ALK: variants seen among roughly 807,000 people sequenced by gnomAD.
ALK encodes the protein ALK tyrosine kinase receptor.
ALK carries 74 observed loss-of-function variants against 163.1 expected under a neutral mutation model. The ratio of observed to expected loss-of-function variants is 0.45; its 90% CI spans 0.38 to 0.55. ALK has a LOEUF of 0.55. Ranked by LOEUF, ALK falls within the 20% of genes least tolerant of loss-of-function variation. The pLI is 0.00. For missense variants in ALK, 2,063 were observed against 2,105.3 expected, an observed-to-expected ratio of 0.98 and a Z score of 0.39; for synonymous variants, 960 against 843.2, an observed-to-expected ratio of 1.14 and a Z score of -2.40.
At chr2:29,636,914 T>C (rs974837763) in intron 3 of ALK, among the ~76,000 whole-genome samples, 1 of 152,166 alleles carries the variant, frequency 6.6e-6, no homozygotes, top group Non-Finnish European at 1.5e-5. Context: ...TCTGTCAGAA[T>C]GGCTACAATA....
chr2:29,896,282 G>A (rs1572479648), intron 1 of ALK, among the ~76,000 whole-genome samples: 1 of 152,194 alleles, frequency 6.6e-6, no homozygotes, highest in East Asian at 1.9e-4. Flanking sequence ...GGGTACCTCC[G>A]ACCCCCAAGA....
chr2:29,434,183 G>C (rs1670343276), intron 4 of ALK, among the ~76,000 whole-genome samples: 1 of 152,108 alleles, frequency 6.6e-6, no homozygotes, highest in Non-Finnish European at 1.5e-5. Context: ...ATTTTTAACT[G>C]AATATTTTAA....
At chr2:29,918,185 G>A (rs1667886941) in intron 1 of ALK, among the ~76,000 whole-genome samples, 1 of 152,222 alleles carries the variant, frequency 6.6e-6, no homozygotes, top group South Asian at 2.1e-4. Flanking sequence ...GTTCGGGGCT[G>A]TAGAAATGAG....
intron 4 of ALK, among the ~76,000 whole-genome samples, chr2:29,390,030 A>G (rs899505709): frequency 6.6e-6 from 1 of 152,236 alleles, no homozygotes; most frequent in Non-Finnish European, 1.5e-5. Flanking sequence ...ATGACCAACA[A>G]GAGTTAAAAC....
At chr2:29,694,433 G>C (rs1234662382) in intron 3 of ALK, among the ~76,000 whole-genome samples, 1 of 152,182 alleles carries the variant, frequency 6.6e-6, no homozygotes, top group African/African-American at 2.4e-5. Flanking sequence ...TGTAAAATTG[G>C]AGTAGTTCTT....
At chr2:29,728,380 T>G (rs1476009662) in intron 1 of ALK, among the ~76,000 whole-genome samples, 1 of 152,246 alleles carries the variant, frequency 6.6e-6, no homozygotes, top group Non-Finnish European at 1.5e-5. Flanking sequence ...ATCTCCTATG[T>G]GCCGAGCTCT....
intron 8 of ALK, among the ~76,000 whole-genome samples, chr2:29,297,594 G>T (rs1666233273): frequency 6.6e-6 from 1 of 152,206 alleles, no homozygotes; most frequent in Non-Finnish European, 1.5e-5. Context: ...CTTGACACCT[G>T]TGGCCACTGG....
At position 29,193,842 on chromosome 2, in the gene ALK, G is replaced by A. The variant is rs2148138923; in HGVS notation, c.4245C>T (p.Pro1415=). ...GAGGAGGAACCCCCTCAGGGTCCTTGGGCCTCACAGGCACTTTCTCTTCCT... is the reference window on the plus strand; with the variant it reads ...GAGGAGGAACCCCCTCAGGGTCCTTAGGCCTCACAGGCACTTTCTCTTCCT... ...VEEEEKVPVR[P]KDPEGVPPLL... is the part of the protein sequence containing the mutation. The change falls in exon 29 of 29, where the codon CCC becomes CCT. Residue 1415 remains proline, a synonymous_variant. Coordinates refer to ENST00000389048, the MANE Select transcript of ALK (RefSeq NM_004304.5). 6.2e-7 allele frequency: 1 copy of A among 1,612,746 alleles called. No individual in the cohort carries two copies. The highest frequency in any genetic ancestry group is 1.1e-5 in the South Asian group (1 of 90,858).
At chr2:29,522,284 C>A (rs1573425441) in intron 4 of ALK, among the ~76,000 whole-genome samples, 1 of 152,174 alleles carries the variant, frequency 6.6e-6, no homozygotes, top group Admixed American at 6.5e-5. Flanking sequence ...AGTGCTAGGG[C>A]CTCCCTCACC....
intron 4 of ALK, among the ~76,000 whole-genome samples, chr2:29,466,167 C>T (rs1281401165): frequency 6.6e-6 from 1 of 152,146 alleles, no homozygotes; most frequent in Admixed American, 6.6e-5. Context: ...TTCATGGTTC[C>T]AGGGCTTCTG....
intron 3 of ALK, among the ~76,000 whole-genome samples, chr2:29,541,596 T>C (rs759846867): frequency 3.3e-5 from 5 of 152,174 alleles, no homozygotes; most frequent in Admixed American, 2.0e-4. Flanking sequence ...TGGCCAAACA[T>C]GTGAAACTTG....
At position 29,379,288 on chromosome 2, in the gene ALK, A is replaced by G. The variant is rs141094988; in HGVS notation, c.1282+4444T>C. The stretch of plus-strand genomic sequence containing the variant: ...TTCAGTGAAAAATCTCTTCCAAGCC[A>G]TTTCTACTTACAGCTACTTTCTTTT... On this transcript the variant is annotated intron_variant, in intron 5 of 28. Transcript: ENST00000389048. Among the ~76,000 whole-genome samples, 120 of 152,246 alleles carry G rather than the reference A, an allele frequency of 7.9e-4. 2 individuals are homozygous for G. The highest frequency in any genetic ancestry group is 2.6e-3 in the African/African-American group (109 of 41,552).
At chr2:29,346,588 G>T (rs144934390) in intron 5 of ALK, among the ~76,000 whole-genome samples, 1 of 152,234 alleles carries the variant, frequency 6.6e-6, no homozygotes, top group Non-Finnish European at 1.5e-5. Flanking sequence ...TTGCTACTTC[G>T]TTTCACAGTG....
At chr2:29,783,007 G>A (rs114981811) in intron 1 of ALK, among the ~76,000 whole-genome samples, 11 of 152,282 alleles carry the variant, frequency 7.2e-5, no homozygotes, top group Admixed American at 6.5e-5. Context: ...TCCTGCCTGC[G>A]ATGGTAGCAG....
intron 1 of ALK, among the ~76,000 whole-genome samples, chr2:29,745,700 C>G (rs1680191758): frequency 6.6e-6 from 1 of 152,236 alleles, no homozygotes; most frequent in Non-Finnish European, 1.5e-5. Context: ...AGCAGCATGT[C>G]CCATCACTGC....
chr2:29,813,084 T>A (rs571413389), intron 1 of ALK, among the ~76,000 whole-genome samples: 1 of 152,336 alleles, frequency 6.6e-6, no homozygotes, highest in East Asian at 1.9e-4. Context: ...GATTTCAGAC[T>A]GGAAGACATT....
At chr2:29,405,788 T>C (rs1269381463) in intron 4 of ALK, among the ~76,000 whole-genome samples, 3 of 152,142 alleles carry the variant, frequency 2.0e-5, no homozygotes, top group Non-Finnish European at 2.9e-5. Flanking sequence ...GCAGCTGAAA[T>C]AATGAAGATA....
intron 3 of ALK, among the ~76,000 whole-genome samples, chr2:29,557,472 T>TA (rs904526182): frequency 6.6e-6 from 1 of 152,162 alleles, no homozygotes; most frequent in African/African-American, 2.4e-5. Flanking sequence ...TGGCAAGAGA[T>TA]ATGAAGGTTG....
intron 4 of ALK, among the ~76,000 whole-genome samples, chr2:29,425,745 G>T (rs193252854): frequency 2.0e-5 from 3 of 152,280 alleles, no homozygotes; most frequent in African/African-American, 7.2e-5. Context: ...GATCTTCAAA[G>T]TTCTCCCCAA....
Sources: allele counts gnomAD v4.1 joint callset (sites outside exome capture counted in the v4.1 genomes callset), GRCh38; gene constraint gnomAD v4.1.1; transcripts MANE v1.5; gene names NCBI Gene and HGNC (gene_info 2026-07-23, HGNC 2026-07-21).